The following RNASE4 variants were observed in gnomAD, a reference collection of about 807,000 sequenced individuals.
RNASE4 encodes ribonuclease 4.
For synonymous variants in RNASE4, 93 were observed against 71.4 expected, an observed-to-expected ratio of 1.30 and a Z score of -1.52; for missense variants, 194 against 192.8, an observed-to-expected ratio of 1.01 and a Z score of -0.04.
At chr14:20,692,982 G>C (rs990265186) in intron 1 of RNASE4, among the ~76,000 whole-genome samples, 2 of 151,518 alleles carry the variant, frequency 1.3e-5, no homozygotes, top group Admixed American at 1.3e-4. Context: ...CGAGTAGCTG[G>C]GACTACAGGC....
At chr14:20,692,818 T>C (rs1263020246) in intron 1 of RNASE4, among the ~76,000 whole-genome samples, 1 of 152,210 alleles carries the variant, frequency 6.6e-6, no homozygotes, top group Non-Finnish European at 1.5e-5. Context: ...GGATGCCTCA[T>C]TTCCTATTAG....
intron 1 of RNASE4, among the ~76,000 whole-genome samples, chr14:20,693,071 T>C (rs936193989): frequency 2.0e-5 from 3 of 151,854 alleles, no homozygotes; most frequent in African/African-American, 7.3e-5. Context: ...ATGGTCTCGA[T>C]CTCCTGACCT....
At chr14:20,691,499 T>C (rs1255573428) in intron 1 of RNASE4, among the ~76,000 whole-genome samples, 6 of 152,236 alleles carry the variant, frequency 3.9e-5, no homozygotes, top group African/African-American at 1.2e-4. Flanking sequence ...CCAGCAGCTA[T>C]ACTGGAGCAG....
rs1304204957 is a variant in RNASE4, at chr14:20,689,548, C to T, written c.-18+4790C>T. Among the ~76,000 whole-genome samples, 3 of 152,082 alleles carry T rather than the reference C, an allele frequency of 2.0e-5. No homozygotes were observed. In the East Asian group the frequency reaches 5.8e-4, roughly 29 times the overall value. ...TGAATCTTTTGAATACTGAACATTG[C>T]CTGTGGGGAGAGGGAGAGAATAATT... On this transcript the variant is annotated intron_variant, in intron 1 of 1. Coordinates refer to ENST00000555835, the MANE Select transcript of RNASE4 (RefSeq NM_002937.5).
At position 20,700,333 on chromosome 14, in the gene RNASE4, T is replaced by TA. The variant is rs1887252387; in HGVS notation, c.*522dup. 1 of 167,306 alleles carries TA rather than the reference T, an allele frequency of 6.0e-6. No individual in the cohort carries two copies. The highest frequency in any genetic ancestry group is 6.5e-5 in the Admixed American group (1 of 15,292). The allele number at this position is 167,306 out of a possible 1,614,324, so 10.4% of individuals were successfully genotyped here. ...TGAAAGTGTCTGCTTTTTTTATCCT[T>TA]AAAATTCACCTGTCAGGGAGGCATT... On this transcript the variant is annotated 3_prime_UTR_variant, in exon 2 of 2. Coordinates refer to ENST00000555835, the MANE Select transcript of RNASE4 (RefSeq NM_002937.5).
intron 1 of RNASE4, among the ~76,000 whole-genome samples, chr14:20,691,790 G>T (rs528271809): frequency 3.2e-4 from 49 of 152,314 alleles, no homozygotes; most frequent in African/African-American, 1.1e-3. Flanking sequence ...AATTTGTAAT[G>T]GAATCAACAC....
chr14:20,690,430 A>C (rs1040562066), intron 1 of RNASE4, among the ~76,000 whole-genome samples: 1 of 152,092 alleles, frequency 6.6e-6, no homozygotes, highest in African/African-American at 2.4e-5. Context: ...TCTGTCTCTT[A>C]CTGGTTTTCT....
intron 1 of RNASE4, chr14:20,693,696 C>A (rs147701713): frequency 6.2e-7 from 1 of 1,614,140 alleles, no homozygotes; most frequent in East Asian, 2.2e-5. Context: ...AACCACAGGG[C>A]CGGGATGACA....
intron 1 of RNASE4, among the ~76,000 whole-genome samples, chr14:20,691,298 T>C (rs1057085686): frequency 2.0e-5 from 3 of 152,352 alleles, no homozygotes; most frequent in East Asian, 1.9e-4. Flanking sequence ...CAGAAGAATG[T>C]TGACTGTGTA....
Position 20,700,566 on chromosome 14 carries a change from C to T in RNASE4, c.*751C>T, listed in dbSNP as rs1381828898. ...TGATTGAAAGATTTTTTATGTTTTCCTTGTAATAAAGGACCTAAACCGAAG... is the reference window on the plus strand; with the variant it reads ...TGATTGAAAGATTTTTTATGTTTTCTTTGTAATAAAGGACCTAAACCGAAG... On this transcript the variant is annotated 3_prime_UTR_variant, in exon 2 of 2. Transcript: ENST00000555835. 1.2e-5 allele frequency: 2 copies of T among 166,856 alleles called. No individual in the cohort carries two copies. Among genetic ancestry groups the T allele is most frequent in the African/African-American group, 4.8e-5 (2 of 41,372 alleles). The allele number at this position is 166,856 out of a possible 1,614,324, so 10.3% of individuals were successfully genotyped here.
At chr14:20,694,088 C>T in intron 1 of RNASE4, 4 of 1,498,358 alleles carry the variant, frequency 2.7e-6, no homozygotes, top group Non-Finnish European at 3.7e-6. Flanking sequence ...GTGGTGGCAA[C>T]ATTCATTGCC....
In RNASE4 at chr14:20,699,541, T is replaced by G; in HGVS notation, c.170T>G (p.Met57Arg). The change falls in exon 2 of 2, where the codon ATG becomes AGG. Residue 57 changes from methionine to arginine, a missense_variant. Coordinates refer to ENST00000555835, the MANE Select transcript of RNASE4 (RefSeq NM_002937.5). ...AGTGATCGCTACTGCAACTTGATGA[T>G]GCAAAGACGGAAGATGACTTTGTAT... ...GGSDRYCNLMMQRRKMTLYHC... is the reference protein window; with the variant it reads ...GGSDRYCNLMRQRRKMTLYHC... 1 of 1,614,214 alleles carries G rather than the reference T, an allele frequency of 6.2e-7. No individual in the cohort carries two copies.
intron 1 of RNASE4, among the ~76,000 whole-genome samples, chr14:20,691,365 A>G (rs150284406): frequency 2.0e-5 from 3 of 152,354 alleles, no homozygotes; most frequent in African/African-American, 7.2e-5. Context: ...AAGAGACTTA[A>G]TTGATTACAA....
At position 20,693,286 on chromosome 14, in the gene RNASE4, A is replaced by G. The variant is rs148786659; in HGVS notation, c.-17-6069A>G. Among the ~76,000 whole-genome samples the G allele has an allele frequency of 2.6e-5, 4 of 152,388 alleles. No homozygotes were observed. In the East Asian group the frequency reaches 5.8e-4, roughly 22 times the overall value. ...TGGATTTTGTAATGTTACGACTGAT[A>G]GAGAAATACTCAGTGATTCTAAGGG... On this transcript the variant is annotated intron_variant, in intron 1 of 1. Coordinates refer to ENST00000555835, the MANE Select transcript of RNASE4 (RefSeq NM_002937.5).
Position 20,692,908 on chromosome 14 carries a change from C to T in RNASE4, c.-17-6447C>T, listed in dbSNP as rs113043546. Among the ~76,000 whole-genome samples, 15 of 152,120 alleles carry T rather than the reference C, an allele frequency of 9.9e-5. 1 individual carries two copies. The highest frequency in any genetic ancestry group is 7.7e-4 in the East Asian group (4 of 5,168). ...TGTCGCCAAGGCTGGAGTGCAGTGGCGCGATCTCGGCTCACTGCAAGCTCC... is the reference window on the plus strand; with the variant it reads ...TGTCGCCAAGGCTGGAGTGCAGTGGTGCGATCTCGGCTCACTGCAAGCTCC... On this transcript the variant is annotated intron_variant, in intron 1 of 1. Coordinates refer to ENST00000555835, the MANE Select transcript of RNASE4 (RefSeq NM_002937.5).
rs758447979 is a variant in RNASE4 at position 20,699,586 on chromosome 14, C to T, written c.215C>T (p.Thr72Ile). Residue 72 changes from threonine to isoleucine, a missense_variant, in exon 2 of 2, where the codon ACC (threonine) becomes ATC (isoleucine). Transcript: ENST00000555835. ...TTGTATCACTGCAAGCGCTTCAACACCTTCATCCATGAAGATATCTGGAAC... is the reference window on the plus strand; with the variant it reads ...TTGTATCACTGCAAGCGCTTCAACATCTTCATCCATGAAGATATCTGGAAC... ...MTLYHCKRFNTFIHEDIWNIR... is the reference protein window; with the variant it reads ...MTLYHCKRFNIFIHEDIWNIR... 4 of 1,614,198 alleles carry T rather than the reference C, an allele frequency of 2.5e-6. No homozygotes were observed. Among genetic ancestry groups the T allele is most frequent in the Non-Finnish European group, 2.5e-6 (3 of 1,180,040 alleles).
chr14:20,692,930 C>A (rs1271752874), intron 1 of RNASE4, among the ~76,000 whole-genome samples: 1 of 152,148 alleles, frequency 6.6e-6, no homozygotes, highest in Non-Finnish European at 1.5e-5. Context: ...TCACTGCAAG[C>A]TCCGCCTCCC....
intron 1 of RNASE4, among the ~76,000 whole-genome samples, chr14:20,685,740 T>G (rs558802008): frequency 6.6e-6 from 1 of 152,198 alleles, no homozygotes; most frequent in Admixed American, 6.5e-5. Context: ...AGTACTAGTA[T>G]GGAATATAAA....
chr14:20,686,165 G>T (rs557211780), intron 1 of RNASE4, among the ~76,000 whole-genome samples: 1 of 152,248 alleles, frequency 6.6e-6, no homozygotes, highest in South Asian at 2.1e-4. Flanking sequence ...TAATATGAGG[G>T]GTGGACAGAG....
Sources: gnomAD v4.1 joint callset for allele counts (sites outside exome capture counted in the v4.1 genomes callset) on GRCh38, gnomAD v4.1.1 for gene constraint, MANE v1.5 for transcripts, NCBI Gene and HGNC (gene_info 2026-07-23, HGNC 2026-07-21) for gene names.